The following CNDP1 variants were observed in gnomAD, a reference collection of about 807,000 sequenced individuals.
The protein encoded by CNDP1 is beta-Ala-His dipeptidase.
Under a neutral mutation model 58.1 loss-of-function variants are expected in CNDP1, and 44 were observed. The ratio of observed to expected loss-of-function variants is 0.76; its 90% CI spans 0.60 to 0.97. The LOEUF (loss-of-function observed/expected upper bound fraction) is 0.97. CNDP1 is among the 50% of genes least tolerant of loss of function. CNDP1 has a pLI of 0.00. For missense variants in CNDP1, 616 were observed against 655.1 expected (o/e 0.94, Z 0.65); for synonymous variants, 254 against 252.6 (o/e 1.01, Z -0.05).
intron 1 of CNDP1, among the ~76,000 whole-genome samples, chr18:74,551,919 A>C (rs1305655096): frequency 2.0e-5 from 3 of 151,810 alleles, no homozygotes; most frequent in Admixed American, 6.6e-5. Flanking sequence ...GAAAAAAAAA[A>C]ACAAAAAAAA....
At chr18:74,558,508 C>T (rs1166721409) in intron 2 of CNDP1, among the ~76,000 whole-genome samples, 2 of 150,290 alleles carry the variant, frequency 1.3e-5, no homozygotes, top group African/African-American at 4.9e-5. Flanking sequence ...CATTCTCCTG[C>T]CTCAGCCTCC....
intron 4 of CNDP1, 79 bp from the exon 5 acceptor site, chr18:74,561,968 C>G (rs1424032721): frequency 1.8e-6 from 2 of 1,140,040 alleles, no homozygotes; most frequent in Non-Finnish European, 2.7e-6. Context: ...ACATCAGTAC[C>G]CATGAAACGA....
intron 5 of CNDP1, among the ~76,000 whole-genome samples, chr18:74,564,161 T>C (rs1475652968): frequency 6.6e-6 from 1 of 152,220 alleles, no homozygotes; most frequent in Non-Finnish European, 1.5e-5. Flanking sequence ...TGTTAATCTG[T>C]GGTGAGTCAA....
At chr18:74,557,967 G>A (rs7233066) in intron 2 of CNDP1, among the ~76,000 whole-genome samples, 3,444 of 152,238 alleles carry the variant, frequency 0.023, 132 homozygotes, top group African/African-American at 0.078. Flanking sequence ...CCTGGTTTAG[G>A]CCTTTCAGCC....
chr18:74,581,218 CTGTGTGTGTGTGTGTGTGTGTGTGTG>C (rs56269857), intron 10 of CNDP1, among the ~76,000 whole-genome samples: 7 of 138,504 alleles, frequency 5.1e-5, no homozygotes, highest in African/African-American at 1.6e-4. Flanking sequence ...CACACCTATC[CTGTGTGTGTGTGTGTGTGTGTGTGTG>C]TGTGTGTGTG....
chr18:74,580,410 T>G (rs1981759831), intron 10 of CNDP1, 139 bp downstream of exon 10: 1 of 845,636 alleles, frequency 1.2e-6, no homozygotes, highest in East Asian at 2.6e-5. Flanking sequence ...GTTGAATGCA[T>G]GCCATGTGCA....
At chr18:74,542,385 C>T (rs924177351) in intron 1 of CNDP1, among the ~76,000 whole-genome samples, 14 of 152,158 alleles carry the variant, frequency 9.2e-5, no homozygotes, top group African/African-American at 2.4e-4. Context: ...TATCTTCACC[C>T]GAATCTTGCT....
At chr18:74,540,157 CT>C (rs34321505) in intron 1 of CNDP1, among the ~76,000 whole-genome samples, 21,428 of 135,068 alleles carry the variant, frequency 0.16, 1,344 homozygotes, top group Non-Finnish European at 0.18. Context: ...TGGTATAAAT[CT>C]TTTTTTTTTT....
chr18:74,569,075 C>T (rs548713614), intron 6 of CNDP1, among the ~76,000 whole-genome samples: 15 of 151,966 alleles, frequency 9.9e-5, no homozygotes, highest in South Asian at 4.2e-4. Flanking sequence ...TAATGAAGAC[C>T]GAGAACAGGT....
chr18:74,536,149 CTTTTA>C (rs1406417952), intron 1 of CNDP1, among the ~76,000 whole-genome samples: 1 of 151,830 alleles, frequency 6.6e-6, no homozygotes, highest in African/African-American at 2.4e-5. Flanking sequence ...TTTTTTTTAA[CTTTTA>C]TTTTTGGTTT....
In CNDP1 at chr18:74,576,968, A is replaced by G; in HGVS notation, c.941A>G (p.His314Arg). ...GAAATAAATACATACAAAGCCATCCATCTAGACCTAGAAGAATACCGGAAT... is the reference window on the plus strand; with the variant it reads ...GAAATAAATACATACAAAGCCATCCGTCTAGACCTAGAAGAATACCGGAAT... ...EEEINTYKAIHLDLEEYRNSS... is the reference protein window; with the variant it reads ...EEEINTYKAIRLDLEEYRNSS... The change falls in exon 8 of 12, where the codon CAT becomes CGT. Residue 314 changes from histidine (H) to arginine (R), a missense_variant. Physicochemically the swap from His to Arg is conservative, Grantham distance 29. Coordinates refer to ENST00000358821, the MANE Select transcript of CNDP1 (RefSeq NM_032649.6). The G allele has an allele frequency of 6.2e-7, 1 of 1,613,682 alleles. No homozygotes were observed. Among genetic ancestry groups the G allele is most frequent in the Non-Finnish European group, 8.5e-7 (1 of 1,179,814 alleles).
intron 6 of CNDP1, among the ~76,000 whole-genome samples, chr18:74,568,073 A>G (rs781748867): frequency 6.6e-6 from 1 of 152,174 alleles, no homozygotes; most frequent in Non-Finnish European, 1.5e-5. Flanking sequence ...CTCTTTTTCT[A>G]GTAATACAGG....
Position 74,556,448 on chromosome 18 carries a change from T to C in CNDP1, c.135T>C (p.His45=), listed in dbSNP as rs747496469. The C allele has an allele frequency of 1.2e-6, 2 of 1,614,102 alleles. No homozygotes were observed. The highest frequency in any genetic ancestry group is 2.7e-5 in the African/African-American group (2 of 74,940). ...LEKVFQYIDL[H]QDEFVQTLKE... ...AAGTCTTCCAGTACATTGACCTCCA[T>C]CAGGATGAATTTGTGCAGGTAGGAG... The change falls in exon 2 of 12, where the codon CAT becomes CAC. Residue 45 remains histidine, a synonymous_variant. Transcript: ENST00000358821.
chr18:74,548,819 G>A (rs1345146713), intron 1 of CNDP1, among the ~76,000 whole-genome samples: 1 of 152,210 alleles, frequency 6.6e-6, no homozygotes, highest in Non-Finnish European at 1.5e-5. Flanking sequence ...TTGGGAACTG[G>A]AGCAAAGCTC....
At chr18:74,558,583 A>G (rs1322462114) in intron 2 of CNDP1, among the ~76,000 whole-genome samples, 1 of 151,656 alleles carries the variant, frequency 6.6e-6, no homozygotes, top group Admixed American at 6.6e-5. Flanking sequence ...TTTAGTAGAG[A>G]TGGGGTTTCA....
chr18:74,555,082 C>T (rs775614909), intron 1 of CNDP1, among the ~76,000 whole-genome samples: 6 of 152,138 alleles, frequency 3.9e-5, no homozygotes, highest in Middle Eastern at 3.2e-3. Flanking sequence ...CCCCTGCTCA[C>T]CTCCACCTAC....
intron 6 of CNDP1, among the ~76,000 whole-genome samples, chr18:74,568,553 G>C (rs1274124088): frequency 1.3e-5 from 2 of 152,100 alleles, no homozygotes; most frequent in African/African-American, 4.8e-5. Context: ...GGAGGGAGGG[G>C]GAGAATTTTT....
In CNDP1 at chr18:74,584,788, G is replaced by T. The variant is rs1056713725; in HGVS notation, c.*226G>T. 2 of 485,984 alleles carry T rather than the reference G, an allele frequency of 4.1e-6. No homozygotes were observed. Among genetic ancestry groups the T allele is most frequent in the African/African-American group, 1.9e-5 (1 of 52,170 alleles). 30.1% of individuals were successfully genotyped at this position (485,984 alleles called of 1,614,324 possible). On this transcript the variant is annotated 3_prime_UTR_variant, in exon 12 of 12. Transcript: ENST00000358821. The stretch of plus-strand genomic sequence containing the variant: ...CACTGCACACCTTCCTCAAGTCATA[G>T]CTGCTTGCAGCAACTTGATTTCCCC...
At chr18:74,551,138 T>G (rs985871779) in intron 1 of CNDP1, among the ~76,000 whole-genome samples, 1 of 152,086 alleles carries the variant, frequency 6.6e-6, no homozygotes, top group Non-Finnish European at 1.5e-5. Context: ...TCTGGCCACA[T>G]GACCTGCCTG....
Sources: gnomAD v4.1 joint callset for allele counts (sites outside exome capture counted in the v4.1 genomes callset) on GRCh38, gnomAD v4.1.1 for gene constraint, MANE v1.5 for transcripts, NCBI Gene and HGNC (gene_info 2026-07-23, HGNC 2026-07-21) for gene names.